The following SAMMSON variants were observed in gnomAD, a reference collection of about 807,000 sequenced individuals.
SAMMSON encodes long intergenic non-protein coding RNA 1212.
At chr3:70,267,483 A>G (rs1433717073) in intron 6 of SAMMSON, among the ~76,000 whole-genome samples, 2 of 137,712 alleles carry the variant, frequency 1.5e-5, no homozygotes, top group Non-Finnish European at 3.0e-5. Context: ...GCTCACTGCA[A>G]GCTCCGCCTC....
intron 4 of SAMMSON, among the ~76,000 whole-genome samples, chr3:70,248,258 G>A (rs771424194): frequency 9.9e-5 from 15 of 152,054 alleles, no homozygotes; most frequent in Non-Finnish European, 1.6e-4. Flanking sequence ...ATGATCTTAC[G>A]TAGAATATTA....
chr3:70,182,382 T>G (rs1701060389), intron 4 of SAMMSON, among the ~76,000 whole-genome samples: 1 of 152,146 alleles, frequency 6.6e-6, no homozygotes, highest in Non-Finnish European at 1.5e-5. Flanking sequence ...CCCAGTCGTT[T>G]GTTTGAAACT....
At chr3:70,028,366 C>T (rs1339042451) in intron 3 of SAMMSON, among the ~76,000 whole-genome samples, 1 of 152,026 alleles carries the variant, frequency 6.6e-6, no homozygotes, top group Non-Finnish European at 1.5e-5. Context: ...GTTGTGTTTG[C>T]TTTCAGGTCT....
intron 4 of SAMMSON, among the ~76,000 whole-genome samples, chr3:70,235,402 T>A (rs76128248): frequency 0.017 from 2,523 of 152,298 alleles, 79 homozygotes; most frequent in African/African-American, 0.056. Context: ...CCCTCACAAT[T>A]GGCTTCCGTC....
intron 7 of SAMMSON, chr3:70,292,047 T>C (rs1056012319): frequency 3.9e-5 from 6 of 152,180 alleles, no homozygotes; most frequent in Admixed American, 1.3e-4. Context: ...TTCAAGAAGG[T>C]AAACATGATT....
chr3:70,400,226 T>C (rs1403064081), intron 2 of SAMMSON, among the ~76,000 whole-genome samples: 1 of 152,164 alleles, frequency 6.6e-6, no homozygotes, highest in Non-Finnish European at 1.5e-5. Flanking sequence ...TGCCATGGTT[T>C]GGTTTGTCCC....
chr3:70,423,726 G>A (rs1701331612), intron 2 of SAMMSON, among the ~76,000 whole-genome samples: 1 of 152,162 alleles, frequency 6.6e-6, no homozygotes, highest in Non-Finnish European at 1.5e-5. Flanking sequence ...TTGGAACTCT[G>A]TATGTTTGGG....
At chr3:70,251,992 A>G (rs183384285) in intron 6 of SAMMSON, among the ~76,000 whole-genome samples, 1 of 152,348 alleles carries the variant, frequency 6.6e-6, no homozygotes, top group East Asian at 1.9e-4. Context: ...GTGTTAAGGA[A>G]CTAAAATTGA....
intron 9 of SAMMSON, among the ~76,000 whole-genome samples, chr3:70,388,415 G>T (rs1324642757): frequency 6.6e-6 from 1 of 151,844 alleles, no homozygotes; most frequent in Non-Finnish European, 1.5e-5. Context: ...AAAAACAGTT[G>T]TTTGTATGTT....
At position 70,366,018 on chromosome 3, in the gene SAMMSON, C is replaced by T. The variant is rs1173956439; in HGVS notation, n.913+7694C>T. The stretch of plus-strand genomic sequence containing the variant: ...TTTTTTTTTGAGACGGAGTCTCGCT[C>T]TGTCGCCCAGGTCGGACTGCGGACT... On this transcript the variant is annotated intron_variant and non_coding_transcript_variant, in intron 9 of 9. Coordinates refer to ENST00000642114, the Ensembl canonical transcript of SAMMSON. Among the ~76,000 whole-genome samples, 7 of 16,542 alleles carry T rather than the reference C, an allele frequency of 4.2e-4. 2 individuals are homozygous for T. Among genetic ancestry groups the T allele is most frequent in the African/African-American group, 1.5e-3 (7 of 4,668 alleles). 10.9% of individuals were successfully genotyped at this position (16,542 alleles called of 152,430 possible).
chr3:70,325,334 T>C (rs1045417086), intron 7 of SAMMSON, among the ~76,000 whole-genome samples: 2 of 152,140 alleles, frequency 1.3e-5, no homozygotes, highest in Non-Finnish European at 2.9e-5. Flanking sequence ...AGTATGTACG[T>C]GTATTTCATT....
chr3:70,101,403 A>G (rs567739821), intron 4 of SAMMSON, among the ~76,000 whole-genome samples: 1 of 151,998 alleles, frequency 6.6e-6, no homozygotes, highest in Admixed American at 6.5e-5. Flanking sequence ...TTTATGAAAA[A>G]AAAACGTACA....
At chr3:70,016,088 A>T (rs1399227911) in intron 3 of SAMMSON, among the ~76,000 whole-genome samples, 3 of 152,134 alleles carry the variant, frequency 2.0e-5, no homozygotes, top group African/African-American at 4.8e-5. Context: ...CAGTAATGGG[A>T]TTGCTGGGTC....
intron 6 of SAMMSON, among the ~76,000 whole-genome samples, chr3:70,277,041 A>C (rs1307727061): frequency 1.3e-5 from 2 of 152,100 alleles, no homozygotes; most frequent in African/African-American, 2.4e-5. Flanking sequence ...ATGGATAATT[A>C]CCAAATTTGA....
intron 3 of SAMMSON, among the ~76,000 whole-genome samples, chr3:70,060,804 T>G (rs1274020106): frequency 6.6e-6 from 1 of 152,098 alleles, no homozygotes; most frequent in Admixed American, 6.5e-5. Flanking sequence ...TTTGGGAATC[T>G]GAGCAGTCCA....
chr3:70,290,160 T>TC (rs566820112), intron 6 of SAMMSON, among the ~76,000 whole-genome samples: 2,571 of 152,314 alleles, frequency 0.017, 29 homozygotes, highest in Non-Finnish European at 0.027. Flanking sequence ...TTCCAGTTTT[T>TC]CTGTTCTGTT....
At chr3:70,083,781 A>G (rs1267942694) in intron 4 of SAMMSON, among the ~76,000 whole-genome samples, 2 of 152,086 alleles carry the variant, frequency 1.3e-5, no homozygotes, top group East Asian at 3.9e-4. Flanking sequence ...CTGACCTCTT[A>G]TTATGATCTG....
intron 4 of SAMMSON, among the ~76,000 whole-genome samples, chr3:70,136,006 A>G (rs2067504481): frequency 6.6e-6 from 1 of 150,870 alleles, no homozygotes; most frequent in African/African-American, 2.4e-5. Context: ...ATATACTTTC[A>G]ATATAATGTA....
intron 4 of SAMMSON, among the ~76,000 whole-genome samples, chr3:70,165,316 A>G (rs900811433): frequency 6.6e-6 from 1 of 151,890 alleles, no homozygotes; most frequent in Non-Finnish European, 1.5e-5. Flanking sequence ...CATGTTGAAA[A>G]CCTAATCTGT....
Sources: gnomAD v4.1 joint callset for allele counts (sites outside exome capture counted in the v4.1 genomes callset) on GRCh38, gnomAD v4.1.1 for gene constraint, MANE v1.5 for transcripts, NCBI Gene and HGNC (gene_info 2026-07-23, HGNC 2026-07-21) for gene names.